Variants in DHRS3 observed in about 807,000 individuals in gnomAD.
DHRS3 encodes short-chain dehydrogenase/reductase 3.
A neutral mutation model predicts 27.2 loss-of-function variants in DHRS3; 14 were observed. That is an observed-to-expected ratio of 0.52 (90% CI 0.34 to 0.81). The LOEUF is 0.81. Ranked by LOEUF, DHRS3 falls within the 30% of genes least tolerant of loss-of-function variation. The probability of loss-of-function intolerance (pLI) is 0.01; values close to 1 mark genes in which losing one functional copy is unlikely to be tolerated. For synonymous variants in DHRS3, 165 were observed against 175.9 expected (o/e 0.94, Z 0.49); for missense variants, 322 against 406.2 (o/e 0.79, Z 1.78).
chr1:12,596,869 C>T (rs887663965), intron 1 of DHRS3, among the ~76,000 whole-genome samples: 6 of 152,140 alleles, frequency 3.9e-5, no homozygotes, highest in Non-Finnish European at 7.3e-5. Context: ...AACTTGGAGA[C>T]CCTCAGAGAA....
chr1:12,612,665 T>A (rs949087731), intron 1 of DHRS3, among the ~76,000 whole-genome samples: 19 of 152,220 alleles, frequency 1.2e-4, no homozygotes, highest in African/African-American at 4.6e-4. Flanking sequence ...TCACCTCATT[T>A]GGAAAGAGAG....
At chr1:12,611,699 G>A (rs766621591) in intron 1 of DHRS3, among the ~76,000 whole-genome samples, 58 of 152,024 alleles carry the variant, frequency 3.8e-4, no homozygotes, top group African/African-American at 1.3e-3. Context: ...GAGAATTTTT[G>A]AGCGTGCCGG....
chr1:12,607,695 G>T (rs776385562), intron 1 of DHRS3, among the ~76,000 whole-genome samples: 14 of 151,968 alleles, frequency 9.2e-5, no homozygotes, highest in African/African-American at 1.7e-4. Flanking sequence ...TTCAGCTAAT[G>T]ATGTAAAAAA....
intron 1 of DHRS3, among the ~76,000 whole-genome samples, chr1:12,611,710 G>T (rs1005392772): frequency 1.1e-4 from 17 of 152,014 alleles, no homozygotes; most frequent in Admixed American, 9.8e-4. Flanking sequence ...AGCGTGCCGG[G>T]ATCTTAGGGA....
chr1:12,592,423 G>A lies in DHRS3; in HGVS notation c.196-11757C>T, dbSNP rs879721234. ...AGTCTAAGGACTAGTGTCCTCATGA[G>A]AGACAGAAGAAAGACATACACAGAG... On this transcript the variant is annotated intron_variant, in intron 1 of 5. Transcript: ENST00000616661. This position sits in a 1 kb window ranked among gnomAD's most constrained non-coding sequence, Gnocchi z 4.2. Among the ~76,000 whole-genome samples, 3 of 152,208 alleles carry A rather than the reference G, an allele frequency of 2.0e-5. No homozygotes were observed. The highest frequency in any genetic ancestry group is 4.4e-5 in the Non-Finnish European group (3 of 68,036).
intron 4 of DHRS3, among the ~76,000 whole-genome samples, chr1:12,576,317 C>A (rs1177342703): frequency 6.6e-6 from 1 of 151,780 alleles, no homozygotes; most frequent in Non-Finnish European, 1.5e-5. Flanking sequence ...AATCCCAGCA[C>A]TTTGGGAGGC....
chr1:12,600,654 G>A (rs1045309527), intron 1 of DHRS3, among the ~76,000 whole-genome samples: 2 of 152,122 alleles, frequency 1.3e-5, no homozygotes, highest in East Asian at 1.9e-4. Flanking sequence ...CTAAAAGGAA[G>A]ACCCCCCTCA....
chr1:12,588,542 C>G (rs906979098), intron 1 of DHRS3, among the ~76,000 whole-genome samples: 48 of 152,296 alleles, frequency 3.2e-4, no homozygotes, highest in Middle Eastern at 3.4e-3. Flanking sequence ...CTGGTGAACA[C>G]CCCTGCCTCT....
At position 12,617,695 on chromosome 1, in the gene DHRS3, A is replaced by G. The variant is rs1283875135; in HGVS notation, c.-347T>C. The G allele has an allele frequency of 1.7e-5, 3 of 171,910 alleles. No individual in the cohort carries two copies. Among genetic ancestry groups the G allele is most frequent in the East Asian group, 1.4e-4 (1 of 6,954 alleles). The allele number at this position is 171,910 out of a possible 1,614,324, so 10.6% of individuals were successfully genotyped here. On this transcript the variant is annotated 5_prime_UTR_variant, in exon 1 of 6. Coordinates refer to ENST00000616661, the MANE Select transcript of DHRS3 (RefSeq NM_004753.7). ...ATTCTCAGGTAATGTTTACAGACTGACAGAGGAGTTTAGGGAGGGGAAGAA... is the reference window on the plus strand; with the variant it reads ...ATTCTCAGGTAATGTTTACAGACTGGCAGAGGAGTTTAGGGAGGGGAAGAA...
At position 12,614,679 on chromosome 1, in the gene DHRS3, C is replaced by G. The variant is rs114886727; in HGVS notation, c.195+2475G>C. Among the ~76,000 whole-genome samples the G allele has an allele frequency of 3.1e-3, 460 of 149,814 alleles. 5 individuals are homozygous for G. The highest frequency in any genetic ancestry group is 0.011 in the African/African-American group (435 of 40,466). On this transcript the variant is annotated intron_variant, in intron 1 of 5. Coordinates refer to ENST00000616661, the MANE Select transcript of DHRS3 (RefSeq NM_004753.7). ...AACAGATAACTCCTGGACACGTCAG[C>G]TCTTTGCAGAGACTCTGGTACACTT...
rs959479346 is a variant in DHRS3, at chr1:12,586,723, C to T, written c.196-6057G>A. On this transcript the variant is annotated intron_variant, in intron 1 of 5. Coordinates refer to ENST00000616661, the MANE Select transcript of DHRS3 (RefSeq NM_004753.7). The surrounding 1 kb of genome is among the most constrained non-coding windows in gnomAD (Gnocchi z 5.0). ...TGCAGTTCAGAGAGGCTAAGCAACT[C>T]GTCTGAGGTCACACAGCAACTGAAT... Among the ~76,000 whole-genome samples the T allele has an allele frequency of 6.6e-6, 1 of 152,220 alleles. No individual in the cohort carries two copies. Among genetic ancestry groups the T allele is most frequent in the Non-Finnish European group, 1.5e-5 (1 of 68,042 alleles).
At chr1:12,617,109 C>G in intron 1 of DHRS3, 45 bp downstream of exon 1, 1 of 1,574,348 alleles carries the variant, frequency 6.4e-7, no homozygotes, top group Non-Finnish European at 8.6e-7. Flanking sequence ...GGGCTTACCC[C>G]CGCCCCTGCG....
chr1:12,614,652 TAAAC>T (rs946555441), intron 1 of DHRS3, among the ~76,000 whole-genome samples: 3 of 149,530 alleles, frequency 2.0e-5, no homozygotes, highest in African/African-American at 7.4e-5. Context: ...CCTTCCCAAA[TAAAC>T]AGATAACTCC....
rs1646950553 is a variant in DHRS3, at chr1:12,617,249, G to T, written c.100C>A (p.Arg34=). The change falls in exon 1 of 6, where the codon CGG becomes AGG. Residue 34 remains arginine, a synonymous_variant. Coordinates refer to ENST00000616661, the MANE Select transcript of DHRS3 (RefSeq NM_004753.7). The part of the protein sequence containing the change: ...AVGLVLPAKL[R]DLSRENVLIT... The stretch of plus-strand genomic sequence containing the variant: ...AGGACGTTCTCCCGCGACAGGTCCC[G>T]CAGCTTGGCGGGCAGCACCAGTCCG... 1 of 1,613,656 alleles carries T rather than the reference G, an allele frequency of 6.2e-7. No homozygotes were observed. The highest frequency in any genetic ancestry group is 1.3e-5 in the African/African-American group (1 of 74,928).
chr1:12,572,328 C>G (rs1262796558), intron 5 of DHRS3, among the ~76,000 whole-genome samples: 1 of 152,136 alleles, frequency 6.6e-6, no homozygotes, highest in Non-Finnish European at 1.5e-5. Flanking sequence ...CCACCATGCC[C>G]AGCTACTTTC....
chr1:12,615,440 C>T (rs1269772207), intron 1 of DHRS3, among the ~76,000 whole-genome samples: 2 of 152,258 alleles, frequency 1.3e-5, no homozygotes, highest in African/African-American at 2.4e-5. Context: ...GTTCCCGGTG[C>T]GTGAACTTGC....
rs549768090 is a variant in DHRS3 at position 12,572,653 on chromosome 1, G to T, written c.824+75C>A. On this transcript the variant is annotated intron_variant, in intron 5 of 5. Transcript: ENST00000616661. ...ATGTGCCAGCACTCCTCATGCTCATGCCCGCAGCAGACATGACTAATAGAT... is the reference window on the plus strand; with the variant it reads ...ATGTGCCAGCACTCCTCATGCTCATTCCCGCAGCAGACATGACTAATAGAT... The T allele has an allele frequency of 5.7e-4, 875 of 1,541,620 alleles. 5 individuals are homozygous for T. Among genetic ancestry groups the T allele is most frequent in the South Asian group, 3.2e-3 (263 of 83,324 alleles).
intron 1 of DHRS3, among the ~76,000 whole-genome samples, chr1:12,598,153 G>A (rs11121946): frequency 0.026 from 3,953 of 152,276 alleles, 162 homozygotes; most frequent in African/African-American, 0.09. Flanking sequence ...ACATGGCAGC[G>A]TATGAGCTGT....
chr1:12,569,430 A>G (rs972295876), intron 5 of DHRS3, among the ~76,000 whole-genome samples: 4 of 152,134 alleles, frequency 2.6e-5, no homozygotes, highest in Non-Finnish European at 4.4e-5. Context: ...TATGGGGTAC[A>G]TGAAATACTT....
Sources: gnomAD v4.1 joint callset for allele counts (sites outside exome capture counted in the v4.1 genomes callset) on GRCh38, gnomAD v4.1.1 for gene constraint, Gnocchi (gnomAD v3.1) non-coding constraint, MANE v1.5 for transcripts, NCBI Gene and HGNC (gene_info 2026-07-23, HGNC 2026-07-21) for gene names.